FSD1L: variants seen among roughly 807,000 people sequenced by gnomAD.
FSD1L encodes the protein FSD1-like protein.
Under a neutral mutation model 71.6 loss-of-function variants are expected in FSD1L, and 45 were observed. That is an observed-to-expected ratio of 0.63 (90% confidence interval 0.49 to 0.81). The LOEUF is 0.81. FSD1L is among the 30% of genes least tolerant of loss of function. The probability of loss-of-function intolerance (pLI) is 0.00; values close to 1 mark genes in which losing one functional copy is unlikely to be tolerated. For synonymous variants in FSD1L, 197 were observed against 207.2 expected (o/e 0.95, Z 0.42); for missense variants, 561 against 618.1 (o/e 0.91, Z 0.98).
Position 105,461,598 on chromosome 9 carries a change from T to C in FSD1L, c.94T>C (p.Ser32Pro). ...CTCTAACATCACTATTGGACCAGAGTCTATTAACTTGCAGCAGGTTGGTAG... is the reference window on the plus strand; with the variant it reads ...CTCTAACATCACTATTGGACCAGAGCCTATTAACTTGCAGCAGGTTGGTAG... Reference protein sequence around the residue: ...LISNITIGPESINLQQEALQR... With the variant: ...LISNITIGPEPINLQQEALQR... The change falls in exon 2 of 14, where the codon TCT (serine) becomes CCT (proline). Residue 32 changes from serine to proline, a missense_variant. This residue lies in a region of FSD1L where 410 missense variants were observed against 413.5 expected (regional missense o/e 0.99). Transcript: ENST00000481272. 1.9e-6 allele frequency: 3 copies of C among 1,549,978 alleles called. No homozygotes were observed. Among genetic ancestry groups the C allele is most frequent in the Non-Finnish European group, 2.6e-6 (3 of 1,145,306 alleles).
rs1023524531 is a variant in FSD1L, at chr9:105,546,884, C to T, written c.*401C>T. The T allele has an allele frequency of 6.6e-6, 1 of 152,522 alleles. No homozygotes were observed. The highest frequency in any genetic ancestry group is 2.4e-5 in the African/African-American group (1 of 41,432). The allele number at this position is 152,522 out of a possible 1,614,324, so 9.4% of individuals were successfully genotyped here. A position where few individuals can be genotyped will look rare whatever the true frequency, so the allele number is the denominator to read the frequency against. ...TGTCTTTTTAAAATCTCATTACTAT[C>T]TATTATTTAGTTCTAACACAGAAGC... On this transcript the variant is annotated 3_prime_UTR_variant, in exon 14 of 14. Transcript: ENST00000481272.
At chr9:105,481,506 G>A (rs1832203138) in intron 6 of FSD1L, among the ~76,000 whole-genome samples, 1 of 151,814 alleles carries the variant, frequency 6.6e-6, no homozygotes, top group Non-Finnish European at 1.5e-5. Context: ...GGCCAGGCTC[G>A]TCTCGAACCC....
intron 1 of FSD1L, 149 bp downstream of exon 1, chr9:105,448,384 GC>G: frequency 2.9e-6 from 2 of 679,604 alleles, no homozygotes; most frequent in Non-Finnish European, 4.4e-6. Flanking sequence ...CCGCCCGGCC[GC>G]TCTCTGGGCG....
At chr9:105,462,161 C>CT (rs895664520) in intron 2 of FSD1L, among the ~76,000 whole-genome samples, 9 of 148,590 alleles carry the variant, frequency 6.1e-5, no homozygotes, top group African/African-American at 2.0e-4. Flanking sequence ...CTGTATCTGC[C>CT]TTTTTTTTGG....
At chr9:105,521,531 A>C (rs1835155314) in intron 10 of FSD1L, 15 of 1,613,954 alleles carry the variant, frequency 9.3e-6, no homozygotes, top group Non-Finnish European at 1.2e-5. Context: ...TTTGTGAAGC[A>C]GCAGCTATGA....
At chr9:105,521,481 T>C in intron 10 of FSD1L, 1 of 1,613,932 alleles carries the variant, frequency 6.2e-7, no homozygotes, top group Admixed American at 1.7e-5. Context: ...TAATGTAAAC[T>C]TTGTGACAGA....
At chr9:105,539,498 C>T (rs73516034) in intron 13 of FSD1L, 147 bp downstream of exon 13, 6,992 of 428,870 alleles carry the variant, frequency 0.016, 422 homozygotes, top group African/African-American at 0.13. Context: ...TCACCCTCTC[C>T]CAAATCTGTG....
intron 4 of FSD1L, among the ~76,000 whole-genome samples, chr9:105,469,232 G>A (rs1327312082): frequency 6.6e-6 from 1 of 152,184 alleles, no homozygotes; most frequent in Non-Finnish European, 1.5e-5. Flanking sequence ...GAATGTGGGG[G>A]TTTAAATATC....
chr9:105,531,936 T>G (rs1490897809), intron 10 of FSD1L, among the ~76,000 whole-genome samples: 1 of 152,208 alleles, frequency 6.6e-6, no homozygotes, highest in Non-Finnish European at 1.5e-5. Context: ...TAAAACATTG[T>G]TTTTTCACAC....
rs1685117897 is a variant in FSD1L, at chr9:105,552,432, T to C, written c.*5949T>C. ...TATCTCATTAAAAATTTAAAAACTC[T>C]TTTCCTGCTCTCTTTTGCTTCATTG... On this transcript the variant is annotated 3_prime_UTR_variant, in exon 14 of 14. Coordinates refer to ENST00000481272, the MANE Select transcript of FSD1L (RefSeq NM_001145313.3). 6.6e-6 allele frequency: 1 copy of C among 152,190 alleles called. No individual in the cohort carries two copies. Among genetic ancestry groups the C allele is most frequent in the South Asian group, 2.1e-4 (1 of 4,836 alleles). 9.4% of individuals were successfully genotyped at this position (152,190 alleles called of 1,614,324 possible).
At chr9:105,525,765 A>G in intron 10 of FSD1L, 2 of 1,604,802 alleles carry the variant, frequency 1.2e-6, no homozygotes, top group Non-Finnish European at 8.5e-7. Context: ...AAGATTTTGT[A>G]GCTGGTCTTG....
intron 7 of FSD1L, among the ~76,000 whole-genome samples, chr9:105,505,566 T>G (rs1321802381): frequency 6.6e-6 from 1 of 152,176 alleles, no homozygotes; most frequent in African/African-American, 2.4e-5. Context: ...GCCTGTTTTT[T>G]GAATTTTCTA....
At chr9:105,466,339 T>A (rs1280616700) in intron 3 of FSD1L, among the ~76,000 whole-genome samples, 2 of 152,248 alleles carry the variant, frequency 1.3e-5, no homozygotes, top group East Asian at 3.8e-4. Flanking sequence ...TTGTAATCTC[T>A]ATCCAAATAC....
At chr9:105,520,645 T>C in intron 10 of FSD1L, 1 of 1,611,832 alleles carries the variant, frequency 6.2e-7, no homozygotes. Context: ...GGTGTTCGTC[T>C]TTTCTTACTA....
At chr9:105,492,130 G>C (rs1027164519) in intron 7 of FSD1L, among the ~76,000 whole-genome samples, 25 of 152,028 alleles carry the variant, frequency 1.6e-4, no homozygotes, top group Non-Finnish European at 1.5e-5. Context: ...TCTGGTCCTG[G>C]ACTCTTTTTG....
chr9:105,463,808 T>A (rs1328150027), intron 2 of FSD1L, among the ~76,000 whole-genome samples: 1 of 152,194 alleles, frequency 6.6e-6, no homozygotes, highest in Non-Finnish European at 1.5e-5. Context: ...CTAAAATAGG[T>A]TTATTTTTGT....
intron 12 of FSD1L, among the ~76,000 whole-genome samples, chr9:105,536,101 A>C (rs552831076): frequency 3.3e-5 from 5 of 152,366 alleles, no homozygotes; most frequent in Admixed American, 1.3e-4. Flanking sequence ...TTCTTAGTAC[A>C]CTATCTCTGC....
intron 12 of FSD1L, among the ~76,000 whole-genome samples, chr9:105,538,239 G>T (rs1836387724): frequency 1.3e-5 from 2 of 152,270 alleles, no homozygotes; most frequent in South Asian, 4.1e-4. Context: ...TACTAACTTT[G>T]TGATCATATG....
chr9:105,501,199 A>G (rs893110703), intron 7 of FSD1L, among the ~76,000 whole-genome samples: 1 of 152,186 alleles, frequency 6.6e-6, no homozygotes, highest in African/African-American at 2.4e-5. Flanking sequence ...GCTCAGCAAT[A>G]TAACACAATA....
Sources: allele counts gnomAD v4.1 joint callset (sites outside exome capture counted in the v4.1 genomes callset), GRCh38; gene constraint gnomAD v4.1.1; regional missense constraint gnomAD v4.1.1; transcripts MANE v1.5; gene names NCBI Gene and HGNC (gene_info 2026-07-23, HGNC 2026-07-21).